ZNF148: variants seen among roughly 807,000 people sequenced by gnomAD.
ZNF148 encodes zinc finger protein 148.
A neutral mutation model predicts 67.7 loss-of-function variants in ZNF148; 7 were observed. That is an observed-to-expected ratio of 0.10 (90% CI 0.06 to 0.19). The LOEUF (loss-of-function observed/expected upper bound fraction) is 0.19. Among genes scored for constraint, ZNF148 ranks in the 10% least tolerant of loss-of-function variants. The probability of loss-of-function intolerance (pLI) is 1.00; values close to 1 mark genes in which losing one functional copy is unlikely to be tolerated. For synonymous variants in ZNF148, 333 were observed against 330.7 expected (o/e 1.01, Z -0.08); for missense variants, 583 against 947.1 (o/e 0.62, Z 5.05).
At chr3:125,351,605 G>A (rs1255736809) in intron 1 of ZNF148, among the ~76,000 whole-genome samples, 1 of 151,942 alleles carries the variant, frequency 6.6e-6, no homozygotes, top group Non-Finnish European at 1.5e-5. Context: ...ACACTATCAA[G>A]AAAGTGAAAA....
intron 7 of ZNF148, among the ~76,000 whole-genome samples, chr3:125,253,102 G>A (rs746075920): frequency 5.9e-5 from 9 of 152,138 alleles, no homozygotes; most frequent in Non-Finnish European, 1.2e-4. Flanking sequence ...TCATAGATCA[G>A]TTAGTAGGAT....
chr3:125,293,480 T>G (rs1252586765), intron 4 of ZNF148, among the ~76,000 whole-genome samples: 5 of 152,006 alleles, frequency 3.3e-5, no homozygotes, highest in Non-Finnish European at 7.4e-5. Context: ...AGAACCAGAG[T>G]TCTCTGAGAA....
intron 4 of ZNF148, among the ~76,000 whole-genome samples, chr3:125,290,271 G>C (rs1218633642): frequency 1.3e-5 from 2 of 152,090 alleles, no homozygotes; most frequent in East Asian, 3.9e-4. Context: ...ATAGTGTCAT[G>C]CTTCCTCTCC....
At chr3:125,279,901 G>A (rs1196353259) in intron 5 of ZNF148, among the ~76,000 whole-genome samples, 2 of 152,036 alleles carry the variant, frequency 1.3e-5, no homozygotes, top group East Asian at 1.9e-4. Context: ...TGTGATGGCT[G>A]GGGAACTGGG....
intron 3 of ZNF148, among the ~76,000 whole-genome samples, chr3:125,320,575 G>T (rs1323152794): frequency 6.6e-6 from 1 of 152,086 alleles, no homozygotes; most frequent in African/African-American, 2.4e-5. Context: ...ATGAGTCAAA[G>T]CAGGTTATAA....
At chr3:125,269,379 T>TA (rs1269289380) in intron 7 of ZNF148, among the ~76,000 whole-genome samples, 83 of 135,234 alleles carry the variant, frequency 6.1e-4, no homozygotes, top group South Asian at 2.3e-3. Flanking sequence ...ACATCATCTT[T>TA]AAAAAAAAAA....
At chr3:125,259,563 T>C (rs763783751) in intron 7 of ZNF148, among the ~76,000 whole-genome samples, 1 of 152,208 alleles carries the variant, frequency 6.6e-6, no homozygotes, top group Non-Finnish European at 1.5e-5. Flanking sequence ...TGTTTCTCAG[T>C]GCATGTAAAA....
intron 1 of ZNF148, chr3:125,344,784 T>G: frequency 2.1e-6 from 1 of 466,572 alleles, no homozygotes; most frequent in Non-Finnish European, 4.1e-6. Flanking sequence ...TAGAACTTCA[T>G]AGTAATCCAT....
intron 7 of ZNF148, among the ~76,000 whole-genome samples, chr3:125,242,468 C>T (rs1034993272): frequency 5.9e-5 from 9 of 152,034 alleles, no homozygotes; most frequent in African/African-American, 2.2e-4. Flanking sequence ...ACTAAAAATA[C>T]AAAACTTAGC....
chr3:125,234,466 A>C, intron 7 of ZNF148, 137 bp from the exon 8 acceptor site: 1 of 639,112 alleles, frequency 1.6e-6, no homozygotes, highest in Non-Finnish European at 2.7e-6. Context: ...ATTTTGCTTT[A>C]TAAAAATGAA....
At chr3:125,261,751 A>T (rs1433161791) in intron 7 of ZNF148, among the ~76,000 whole-genome samples, 1 of 151,508 alleles carries the variant, frequency 6.6e-6, no homozygotes, top group Non-Finnish European at 1.5e-5. Context: ...AATAAATGAC[A>T]GTGTCACCAA....
chr3:125,324,594 T>G (rs1200923311), intron 2 of ZNF148, among the ~76,000 whole-genome samples: 1 of 152,226 alleles, frequency 6.6e-6, no homozygotes, highest in Non-Finnish European at 1.5e-5. Flanking sequence ...GTTCTTAAAA[T>G]ATTAGATTCC....
intron 4 of ZNF148, among the ~76,000 whole-genome samples, chr3:125,300,444 G>A (rs1188080826): frequency 3.9e-5 from 6 of 152,146 alleles, no homozygotes; most frequent in Non-Finnish European, 7.4e-5. Flanking sequence ...TATAACTAAC[G>A]ATAGGATTCA....
At chr3:125,324,010 C>T (rs180689606) in intron 2 of ZNF148, among the ~76,000 whole-genome samples, 1 of 151,106 alleles carries the variant, frequency 6.6e-6, no homozygotes. Context: ...GAGTCTACAG[C>T]CTCAAAGATA....
At chr3:125,351,591 A>G (rs1399276960) in intron 1 of ZNF148, among the ~76,000 whole-genome samples, 2 of 152,148 alleles carry the variant, frequency 1.3e-5, no homozygotes, top group Non-Finnish European at 2.9e-5. Flanking sequence ...TTATGCTTCA[A>G]AAGACACTAT....
intron 7 of ZNF148, among the ~76,000 whole-genome samples, chr3:125,239,167 A>G (rs1422230402): frequency 6.6e-6 from 1 of 152,192 alleles, no homozygotes; most frequent in African/African-American, 2.4e-5. Context: ...ACAACATTAT[A>G]TATGTACTTA....
chr3:125,334,655 C>T (rs1040917360), intron 1 of ZNF148, among the ~76,000 whole-genome samples: 10 of 152,262 alleles, frequency 6.6e-5, no homozygotes, highest in Admixed American at 5.9e-4. Flanking sequence ...TTATTATTCA[C>T]ATTTTACAGA....
chr3:125,340,691 A>T (rs1349480925), intron 1 of ZNF148, among the ~76,000 whole-genome samples: 1 of 152,202 alleles, frequency 6.6e-6, no homozygotes. Flanking sequence ...GGTAACAGAT[A>T]AAATGTCCAT....
intron 1 of ZNF148, among the ~76,000 whole-genome samples, chr3:125,353,086 A>G (rs1478002034): frequency 6.6e-6 from 1 of 152,208 alleles, no homozygotes; most frequent in Non-Finnish European, 1.5e-5. Context: ...TTTTGTTTAC[A>G]AAAAACGCTG....
Sources: allele counts gnomAD v4.1 joint callset (sites outside exome capture counted in the v4.1 genomes callset), GRCh38; gene constraint gnomAD v4.1.1; transcripts MANE v1.5; gene names NCBI Gene and HGNC (gene_info 2026-07-23, HGNC 2026-07-21).